The following CYFIP1 variants were observed in gnomAD, a reference collection of about 807,000 sequenced individuals.
The protein encoded by CYFIP1 is cytoplasmic FMR1 interacting protein 1.
Under a neutral mutation model 163.5 loss-of-function variants are expected in CYFIP1, and 58 were observed. That is an observed-to-expected ratio of 0.35 (90% CI 0.29 to 0.44). CYFIP1 has a LOEUF of 0.44. Ranked by LOEUF, CYFIP1 falls within the 20% of genes least tolerant of loss-of-function variation. CYFIP1 has a pLI of 1.00. For missense variants in CYFIP1, 1,338 were observed against 1,653.8 expected (o/e 0.81, Z 3.31); for synonymous variants, 663 against 660.7 (o/e 1.00, Z -0.05).
chr15:22,917,115 C>T lies in CYFIP1; in HGVS notation c.1675-485G>A, dbSNP rs898993740. ...ACCCCAGGCAGGGACACGGGACGCA[C>T]GCAGAGGGAGGCAGGGAGGGTGGCT... On this transcript the variant is annotated intron_variant, in intron 15 of 30. Coordinates refer to ENST00000617928, the MANE Select transcript of CYFIP1 (RefSeq NM_014608.6). This position sits in a 1 kb window ranked among gnomAD's most constrained non-coding sequence, Gnocchi z 4.2. The T allele has an allele frequency of 9.0e-6, 13 of 1,452,134 alleles. No individual in the cohort carries two copies. The highest frequency in any genetic ancestry group is 5.0e-5 in the East Asian group (2 of 40,272). 90.0% of individuals were successfully genotyped at this position (1,452,134 alleles called of 1,614,324 possible). A position where few individuals can be genotyped will look rare whatever the true frequency, so the allele number is the denominator to read the frequency against.
intron 1 of CYFIP1, among the ~76,000 whole-genome samples, chr15:22,975,171 A>C (rs768254685): frequency 3.9e-5 from 6 of 152,140 alleles, no homozygotes; most frequent in Non-Finnish European, 7.4e-5. Flanking sequence ...TCAACTGTTT[A>C]TGTTATCAGT....
intron 1 of CYFIP1, among the ~76,000 whole-genome samples, chr15:22,978,122 C>T (rs1255733227): frequency 1.3e-5 from 2 of 150,960 alleles, no homozygotes; most frequent in Non-Finnish European, 3.0e-5. Flanking sequence ...GAGGCTGAGG[C>T]GGGCAGATCA....
At chr15:22,923,995 A>G in intron 13 of CYFIP1, among the ~76,000 whole-genome samples, 1 of 151,746 alleles carries the variant, frequency 6.6e-6, no homozygotes, top group South Asian at 2.1e-4. Context: ...GCAACTTCAT[A>G]GTAGTGAAAA....
intron 23 of CYFIP1, among the ~76,000 whole-genome samples, chr15:22,890,814 G>C (rs984995445): frequency 2.0e-5 from 3 of 149,720 alleles, no homozygotes; most frequent in Admixed American, 1.3e-4. Flanking sequence ...TCGAGAACAC[G>C]AACAGAGACA....
In CYFIP1 at chr15:22,914,780, A is replaced by T; in HGVS notation, c.1931T>A (p.Met644Lys). 1 of 1,613,930 alleles carries T rather than the reference A, an allele frequency of 6.2e-7. No homozygotes were observed. The change falls in exon 17 of 31, where the codon ATG (methionine) becomes AAG (lysine). Residue 644 changes from methionine (M) to lysine (K), a missense_variant. Physicochemically the swap from Met to Lys is moderately conservative, Grantham distance 95. Coordinates refer to ENST00000617928, the MANE Select transcript of CYFIP1 (RefSeq NM_014608.6). ...GATGTGGTCCGTCAGGATCCAGGGCATCGACATCTCAATGGGGAACTGGAT... is the reference window on the plus strand; with the variant it reads ...GATGTGGTCCGTCAGGATCCAGGGCTTCGACATCTCAATGGGGAACTGGAT... ...RRIQFPIEMS[M>K]PWILTDHILE...
intron 1 of CYFIP1, among the ~76,000 whole-genome samples, chr15:22,955,965 C>T (rs536588970): frequency 1.1e-4 from 17 of 152,224 alleles, no homozygotes; most frequent in African/African-American, 4.1e-4. Flanking sequence ...CTTCTCTAAT[C>T]CCAGCACTTT....
chr15:22,914,766 T>C lies in CYFIP1; in HGVS notation c.1945A>G (p.Thr649Ala). The change falls in exon 17 of 31, where the codon ACG (threonine) becomes GCG (alanine). Residue 649 changes from threonine (T) to alanine (A), a missense_variant. Physicochemically the swap from Thr to Ala is moderately conservative, Grantham distance 58. This residue lies in a region of CYFIP1 where 824 missense variants were observed against 995.7 expected (regional missense o/e 0.83). Transcript: ENST00000617928. ...TCCTTGGTCTCCAGGATGTGGTCCGTCAGGATCCAGGGCATCGACATCTCA... is the reference window on the plus strand; with the variant it reads ...TCCTTGGTCTCCAGGATGTGGTCCGCCAGGATCCAGGGCATCGACATCTCA... Reference protein sequence around the residue: ...PIEMSMPWILTDHILETKEAS... With the variant: ...PIEMSMPWILADHILETKEAS... 3.7e-6 allele frequency: 6 copies of C among 1,613,844 alleles called. No homozygotes were observed. The highest frequency in any genetic ancestry group is 5.1e-6 in the Non-Finnish European group (6 of 1,179,876).
In CYFIP1 at chr15:22,882,858, G is replaced by C; in HGVS notation, c.2820+10C>G. 1 of 1,610,982 alleles carries C rather than the reference G, an allele frequency of 6.2e-7. No individual in the cohort carries two copies. The highest frequency in any genetic ancestry group is 8.5e-7 in the Non-Finnish European group (1 of 1,177,582). On this transcript the variant is annotated intron_variant, in intron 24 of 30. Transcript: ENST00000617928. ...GCTGTGTGAAAGAAGCATGTCCAGG[G>C]AACACTCACCAGGCTCTTGACGACC...
intron 3 of CYFIP1, chr15:22,946,598 G>A (rs1418024840): frequency 4.0e-5 from 13 of 328,994 alleles, no homozygotes; most frequent in Admixed American, 2.7e-4. Flanking sequence ...CCAAGATCGC[G>A]CCACTGTACT....
chr15:22,942,760 C>T (rs1034616991), intron 6 of CYFIP1, among the ~76,000 whole-genome samples: 1 of 152,174 alleles, frequency 6.6e-6, no homozygotes, highest in Non-Finnish European at 1.5e-5. Context: ...CCCCCGCTGG[C>T]GAGTGACCGG....
At chr15:22,928,213 C>T (rs2061419865) in intron 11 of CYFIP1, among the ~76,000 whole-genome samples, 185 bp from the exon 12 acceptor site, 1 of 152,052 alleles carries the variant, frequency 6.6e-6, no homozygotes, top group African/African-American at 2.4e-5. Flanking sequence ...AACCCCGTCT[C>T]TACTGAAAAA....
chr15:22,867,535 A>ATTC lies in CYFIP1; in HGVS notation c.*2490_*2492dup, dbSNP rs1028790001. On this transcript the variant is annotated 3_prime_UTR_variant, in exon 31 of 31. Transcript: ENST00000617928. ...CTGCTGTTGCAGCCTGGCTGGGTTT[A>ATTC]TTCTTCAGTTACCCTAATCCCATGA... The ATTC allele has an allele frequency of 8.3e-6, 2 of 241,398 alleles. 1 individual carries two copies. The highest frequency in any genetic ancestry group is 1.6e-4 in the East Asian group (2 of 12,808). 15.0% of individuals were successfully genotyped at this position (241,398 alleles called of 1,614,324 possible).
Position 22,947,261 on chromosome 15 carries a change from C to CA in CYFIP1, c.24_25insT (p.Asp9Ter). On this transcript the variant is annotated frameshift_variant, in exon 2 of 31. Coordinates refer to ENST00000617928, the MANE Select transcript of CYFIP1 (RefSeq NM_014608.6). LOFTEE classifies it high-confidence loss of function. ...AGGAGGTCCACGTTGGACAGCGCGTCCTCCAGAGTCACCTGGGCCGCCATC... is the reference window on the plus strand; with the variant it reads ...AGGAGGTCCACGTTGGACAGCGCGTCACTCCAGAGTCACCTGGGCCGCCATC... 6.2e-7 allele frequency: 1 copy of CA among 1,613,924 alleles called. No homozygotes were observed. The highest frequency in any genetic ancestry group is 8.5e-7 in the Non-Finnish European group (1 of 1,179,936).
intron 1 of CYFIP1, among the ~76,000 whole-genome samples, chr15:22,974,374 C>T (rs1199597830): frequency 6.6e-6 from 1 of 152,040 alleles, no homozygotes; most frequent in African/African-American, 2.4e-5. Flanking sequence ...CCCAGAAGTT[C>T]AAGACCAGCC....
chr15:22,898,305 G>A (rs1032385950), intron 22 of CYFIP1, among the ~76,000 whole-genome samples: 6 of 151,528 alleles, frequency 4.0e-5, no homozygotes, highest in Non-Finnish European at 7.4e-5. Context: ...TGTCACCCAG[G>A]GGAGTGCAGT....
In CYFIP1 at chr15:22,907,376, G is replaced by T. The variant is rs62008561; in HGVS notation, c.2388+1818C>A. Among the ~76,000 whole-genome samples, 635 of 152,280 alleles carry T rather than the reference G, an allele frequency of 4.2e-3. 3 individuals are homozygous for T. The highest frequency in any genetic ancestry group is 6.5e-3 in the Non-Finnish European group (442 of 68,020). ...ACAGGGGTGCCAGTGTTGACTAAAG[G>T]ACTGTGGTATCCCCAGGGCTGGCAC... On this transcript the variant is annotated intron_variant, in intron 21 of 30. Transcript: ENST00000617928.
chr15:22,957,856 C>A (rs956663514), intron 1 of CYFIP1, among the ~76,000 whole-genome samples: 4 of 152,178 alleles, frequency 2.6e-5, no homozygotes, highest in African/African-American at 9.7e-5. Flanking sequence ...AATAAATCAT[C>A]TGAAGAAGAA....
chr15:22,946,055 G>C (rs1285501956), intron 3 of CYFIP1, among the ~76,000 whole-genome samples: 3 of 152,152 alleles, frequency 2.0e-5, no homozygotes, highest in Non-Finnish European at 4.4e-5. Context: ...TGTAATCCCA[G>C]TACTTTGGGA....
intron 14 of CYFIP1, among the ~76,000 whole-genome samples, chr15:22,918,461 C>T (rs1401091675): frequency 6.6e-6 from 1 of 152,194 alleles, no homozygotes; most frequent in African/African-American, 2.4e-5. Context: ...TGCACCTTGT[C>T]CCGGGGTCCT....
Sources: allele counts gnomAD v4.1 joint callset (sites outside exome capture counted in the v4.1 genomes callset), GRCh38; gene constraint gnomAD v4.1.1; regional missense constraint gnomAD v4.1.1; non-coding constraint Gnocchi (gnomAD v3.1); transcripts MANE v1.5; gene names NCBI Gene and HGNC (gene_info 2026-07-23, HGNC 2026-07-21).